Variants in TPD52 observed in about 807,000 individuals in gnomAD.
The protein encoded by TPD52 is tumor protein D52, also known as prostate and colon associated protein.
Under a neutral mutation model 31.3 loss-of-function variants are expected in TPD52, and 17 were observed. That is an observed-to-expected ratio of 0.54 (90% CI 0.37 to 0.82). The LOEUF (loss-of-function observed/expected upper bound fraction) is 0.82. TPD52 is among the 40% of genes least tolerant of loss of function. The pLI is 0.00. For synonymous variants in TPD52, 83 were observed against 89.6 expected (o/e 0.93, Z 0.42); for missense variants, 212 against 240.1 (o/e 0.88, Z 0.77).
At chr8:80,144,000 T>C (rs995532920) in intron 1 of TPD52, among the ~76,000 whole-genome samples, 2 of 152,190 alleles carry the variant, frequency 1.3e-5, no homozygotes, top group African/African-American at 4.8e-5. Flanking sequence ...TAAAATACTC[T>C]AAAATTTAAA....
At chr8:80,107,867 T>A (rs1272564969) in intron 1 of TPD52, among the ~76,000 whole-genome samples, 1 of 152,186 alleles carries the variant, frequency 6.6e-6, no homozygotes, top group Non-Finnish European at 1.5e-5. Flanking sequence ...TTTTCCTGGG[T>A]TGCTGGTTAG....
At chr8:80,118,268 A>T (rs776340722) in intron 1 of TPD52, among the ~76,000 whole-genome samples, 11 of 152,202 alleles carry the variant, frequency 7.2e-5, no homozygotes, top group Non-Finnish European at 1.2e-4. Context: ...CAAAAGAATA[A>T]AACTGGACCC....
intron 2 of TPD52, among the ~76,000 whole-genome samples, chr8:80,059,580 G>T (rs551179571): frequency 6.6e-6 from 1 of 152,246 alleles, no homozygotes; most frequent in Admixed American, 6.5e-5. Context: ...ACAGCCAGGC[G>T]CAGTGGCTCA....
In TPD52 at chr8:80,136,228, A is replaced by C. The variant is rs9693489; in HGVS notation, c.19+35197T>G. 4.0e-3 allele frequency among the ~76,000 whole-genome samples: 584 copies of C among 146,810 alleles called. 6 individuals carry two copies. The highest frequency in any genetic ancestry group is 0.013 in the African/African-American group (524 of 40,280). On this transcript the variant is annotated intron_variant, in intron 1 of 7. Transcript: ENST00000518937. The stretch of plus-strand genomic sequence containing the variant: ...CACACACATTTAAACAAAAGTTGAC[A>C]TTTAAGAAAACAATGGCCGGGCGCG...
intron 1 of TPD52, 140 bp downstream of exon 1, chr8:80,171,285 G>C: frequency 9.0e-7 from 1 of 1,105,528 alleles, no homozygotes; most frequent in Non-Finnish European, 1.3e-6. Context: ...GGATCCGGGA[G>C]ATGCAACTTG....
At chr8:80,084,717 T>C (rs570394458) in intron 1 of TPD52, among the ~76,000 whole-genome samples, 3 of 152,322 alleles carry the variant, frequency 2.0e-5, no homozygotes, top group African/African-American at 7.2e-5. Flanking sequence ...CCACTATTAC[T>C]CAACCATGCT....
intron 1 of TPD52, among the ~76,000 whole-genome samples, chr8:80,069,262 G>A (rs555012778): frequency 3.3e-5 from 5 of 149,926 alleles, no homozygotes; most frequent in African/African-American, 9.8e-5. Context: ...CCAGGAGTTC[G>A]AGACCAGCCT....
intron 1 of TPD52, among the ~76,000 whole-genome samples, chr8:80,109,699 G>A (rs145432142): frequency 1.8e-4 from 28 of 152,314 alleles, no homozygotes; most frequent in African/African-American, 6.3e-4. Context: ...GAGCCACCGC[G>A]CCTGGCCCAT....
chr8:80,042,630 T>A lies in TPD52; in HGVS notation c.494A>T (p.Glu165Val). Residue 165 changes from glutamate (E) to valine (V), a missense_variant, in exon 7 of 8, where the codon GAA becomes GTA. Glu to Val is a moderately radical substitution (Grantham distance 121). Coordinates refer to ENST00000518937, the MANE Select transcript of TPD52 (RefSeq NM_001025253.3). The part of the protein sequence containing the change: ...PTFKSFEEKV[E>V]NLKSKVGGTK... ...CATCTCTCTACTTGCCTTTAAGTTT[T>A]CGACCTTTTCTTCAAATGATTTAAA... 1 of 1,611,232 alleles carries A rather than the reference T, an allele frequency of 6.2e-7. No individual in the cohort carries two copies. Among genetic ancestry groups the A allele is most frequent in the Non-Finnish European group, 8.5e-7 (1 of 1,178,482 alleles).
At chr8:80,161,712 T>TTATATATA (rs1319779195) in intron 1 of TPD52, among the ~76,000 whole-genome samples, 7 of 140,586 alleles carry the variant, frequency 5.0e-5, no homozygotes, top group South Asian at 2.3e-4. Flanking sequence ...AAGAACACAT[T>TTATATATA]TATATATATA....
At chr8:80,130,058 T>C (rs558162348) in intron 1 of TPD52, among the ~76,000 whole-genome samples, 1 of 152,300 alleles carries the variant, frequency 6.6e-6, no homozygotes, top group East Asian at 1.9e-4. Flanking sequence ...ACGAGTTTTA[T>C]ATTCTGAAGA....
chr8:80,167,922 C>A (rs1811822316), intron 1 of TPD52, among the ~76,000 whole-genome samples: 1 of 152,178 alleles, frequency 6.6e-6, no homozygotes, highest in Non-Finnish European at 1.5e-5. Context: ...CATGAGAGCA[C>A]TCAAGTATAC....
chr8:80,163,612 T>G (rs550096832), intron 1 of TPD52, among the ~76,000 whole-genome samples: 3 of 152,188 alleles, frequency 2.0e-5, no homozygotes, highest in Non-Finnish European at 4.4e-5. Flanking sequence ...TGGTAAATTT[T>G]GTTATGTATT....
chr8:80,083,876 C>G (rs143740812), intron 1 of TPD52, among the ~76,000 whole-genome samples: 16 of 152,272 alleles, frequency 1.1e-4, no homozygotes, highest in African/African-American at 3.4e-4. Flanking sequence ...TCAGCATGCA[C>G]AAGACTGAAT....
intron 1 of TPD52, among the ~76,000 whole-genome samples, chr8:80,155,619 C>A (rs1810911255): frequency 6.6e-6 from 1 of 152,108 alleles, no homozygotes; most frequent in Non-Finnish European, 1.5e-5. Flanking sequence ...CGCGGTGGCT[C>A]ACGCCTGTAA....
At chr8:80,068,357 C>T (rs376240247) in intron 1 of TPD52, among the ~76,000 whole-genome samples, 4 of 152,254 alleles carry the variant, frequency 2.6e-5, no homozygotes, top group East Asian at 1.9e-4. Context: ...CTTAGAGAAA[C>T]ATCAATGATC....
In TPD52 at chr8:80,171,482, C is replaced by A. The variant is rs888192628; in HGVS notation, c.-39G>T. 16 of 1,557,716 alleles carry A rather than the reference C, an allele frequency of 1.0e-5. No individual in the cohort carries two copies. The African/African-American group carries it at 1.7e-4, about 17-fold the overall frequency. ...CGCCTCGTGTCCTCTGCAGCACCCC[C>A]GCCTGCAGCCCGTCCCGGCTCGGAT... is the stretch of plus-strand genomic sequence containing the variant. On this transcript the variant is annotated 5_prime_UTR_variant, in exon 1 of 8. Coordinates refer to ENST00000518937, the MANE Select transcript of TPD52 (RefSeq NM_001025253.3).
chr8:80,069,517 TG>T (rs1286127194), intron 1 of TPD52, among the ~76,000 whole-genome samples: 3 of 143,898 alleles, frequency 2.1e-5, no homozygotes, highest in Non-Finnish European at 4.6e-5. Flanking sequence ...CTGGGCATGG[TG>T]GCTCACACAC....
At chr8:80,140,231 G>T (rs901713145) in intron 1 of TPD52, among the ~76,000 whole-genome samples, 2 of 152,136 alleles carry the variant, frequency 1.3e-5, no homozygotes, top group African/African-American at 2.4e-5. Flanking sequence ...GAGCCTCACT[G>T]GCAAGGAGAC....
Sources: allele counts gnomAD v4.1 joint callset (sites outside exome capture counted in the v4.1 genomes callset), GRCh38; gene constraint gnomAD v4.1.1; transcripts MANE v1.5; gene names NCBI Gene and HGNC (gene_info 2026-07-23, HGNC 2026-07-21).